The following DISC1 variants were observed in gnomAD, a reference collection of about 807,000 sequenced individuals.
The protein encoded by DISC1 is disrupted in schizophrenia 1 protein.
In DISC1, 57 loss-of-function variants were observed where a neutral mutation model predicts 84.5. The ratio of observed to expected loss-of-function variants is 0.67; its 90% CI spans 0.55 to 0.84. DISC1 has a LOEUF of 0.84. Ranked by LOEUF, DISC1 falls within the 40% of genes least tolerant of loss-of-function variation. The pLI is 0.00. For missense variants in DISC1, 1,000 were observed against 1,057.8 expected, an observed-to-expected ratio of 0.95 and a Z score of 0.76; for synonymous variants, 411 against 415.2, an observed-to-expected ratio of 0.99 and a Z score of 0.12.
chr1:231,773,628 C>T (rs1402128353), intron 6 of DISC1, among the ~76,000 whole-genome samples: 1 of 152,154 alleles, frequency 6.6e-6, no homozygotes, highest in East Asian at 1.9e-4. Context: ...TCATGATCTG[C>T]CCTCCTTGGC....
chr1:231,773,254 C>T (rs2076692432), intron 6 of DISC1, among the ~76,000 whole-genome samples: 1 of 152,146 alleles, frequency 6.6e-6, no homozygotes, highest in African/African-American at 2.4e-5. Context: ...AGAACTGAGC[C>T]CAGGACTTGG....
chr1:232,004,469 T>C lies in DISC1; in HGVS notation c.2043-4316T>C, dbSNP rs1667089932. 4.6e-5 allele frequency among the ~76,000 whole-genome samples: 7 copies of C among 152,182 alleles called. No homozygotes were observed. The South Asian group carries it at 1.5e-3, about 32-fold the overall frequency. ...ACATTTGAAATTCATTAAAAAAGGATTAATTTATATAAAGGATATAAAATA... is the reference window on the plus strand; with the variant it reads ...ACATTTGAAATTCATTAAAAAAGGACTAATTTATATAAAGGATATAAAATA... On this transcript the variant is annotated intron_variant, in intron 10 of 12. Coordinates refer to ENST00000439617, the MANE Select transcript of DISC1 (RefSeq NM_018662.3).
chr1:231,766,471 AAGC>A (rs1339483802), intron 4 of DISC1, among the ~76,000 whole-genome samples: 2 of 152,146 alleles, frequency 1.3e-5, no homozygotes, highest in African/African-American at 4.8e-5. Context: ...TCTGTGATTA[AAGC>A]TGATTGTGGG....
At chr1:231,807,030 G>A (rs999614399) in intron 8 of DISC1, among the ~76,000 whole-genome samples, 3 of 152,208 alleles carry the variant, frequency 2.0e-5, no homozygotes, top group Non-Finnish European at 4.4e-5. Context: ...TCTTGAGTCC[G>A]CGTCCACCGT....
chr1:231,982,838 G>A (rs11122384), intron 10 of DISC1, among the ~76,000 whole-genome samples: 8,190 of 152,184 alleles, frequency 0.054, 732 homozygotes, highest in African/African-American at 0.19. Flanking sequence ...GAGCAAGGAG[G>A]TGAGGCCAAA....
intron 1 of DISC1, among the ~76,000 whole-genome samples, chr1:231,669,942 G>C (rs144458132): frequency 4.6e-5 from 7 of 152,022 alleles, no homozygotes; most frequent in Admixed American, 4.6e-4. Context: ...TGCAGCACTA[G>C]TCACAACAGC....
chr1:231,926,282 A>G lies in DISC1; in HGVS notation c.1982-32546A>G, dbSNP rs567546181. 1.2e-4 allele frequency among the ~76,000 whole-genome samples: 18 copies of G among 152,348 alleles called. No homozygotes were observed. The East Asian group carries it at 3.5e-3, about 29-fold the overall frequency. Reference sequence around the variant, plus strand: ...AAGCAAATTAATACCTTTGGGATCAATAGAGTGTCTACAGTTCAAAACCCT... The same window carrying G: ...AAGCAAATTAATACCTTTGGGATCAGTAGAGTGTCTACAGTTCAAAACCCT... On this transcript the variant is annotated intron_variant, in intron 9 of 12. Coordinates refer to ENST00000439617, the MANE Select transcript of DISC1 (RefSeq NM_018662.3).
chr1:231,658,095 A>T (rs772486101), intron 1 of DISC1, among the ~76,000 whole-genome samples: 2 of 152,180 alleles, frequency 1.3e-5, no homozygotes, highest in Non-Finnish European at 2.9e-5. Context: ...CATGATATTG[A>T]TTCTTCCTGT....
chr1:231,676,608 A>G (rs1255609560), intron 1 of DISC1, among the ~76,000 whole-genome samples: 2 of 152,164 alleles, frequency 1.3e-5, no homozygotes, highest in Admixed American at 1.3e-4. Flanking sequence ...TTGTCTTTCT[A>G]GTGTGTTGAC....
chr1:232,011,022 A>C (rs1667975245), intron 11 of DISC1, among the ~76,000 whole-genome samples: 1 of 152,080 alleles, frequency 6.6e-6, no homozygotes, highest in East Asian at 1.9e-4. Flanking sequence ...AAGGTGCCAT[A>C]TTTTGGGGTA....
intron 10 of DISC1, among the ~76,000 whole-genome samples, chr1:231,990,120 T>C (rs1665004772): frequency 6.6e-6 from 1 of 152,076 alleles, no homozygotes; most frequent in African/African-American, 2.4e-5. Flanking sequence ...GTCTGTGTAA[T>C]ACTTAGGGCC....
At chr1:231,680,277 T>C (rs1053066304) in intron 1 of DISC1, among the ~76,000 whole-genome samples, 1 of 152,144 alleles carries the variant, frequency 6.6e-6, no homozygotes, top group Non-Finnish European at 1.5e-5. Context: ...ATATAGTGTC[T>C]CTATATGAAA....
chr1:231,835,677 G>A (rs2082579018), intron 9 of DISC1, among the ~76,000 whole-genome samples: 1 of 152,060 alleles, frequency 6.6e-6, no homozygotes, highest in Admixed American at 6.5e-5. Context: ...TTGTCTATTG[G>A]TTTTATTTTG....
intron 8 of DISC1, among the ~76,000 whole-genome samples, chr1:231,810,758 C>T (rs948314755): frequency 3.9e-5 from 6 of 152,084 alleles, no homozygotes; most frequent in African/African-American, 1.4e-4. Context: ...TCTGGTGGGT[C>T]CTAAGTTGGA....
chr1:231,782,018 G>C lies in DISC1; in HGVS notation c.1634+10948G>C, dbSNP rs1475549212. Among the ~76,000 whole-genome samples, 5 of 152,322 alleles carry C rather than the reference G, an allele frequency of 3.3e-5. No homozygotes were observed. In the East Asian group the frequency reaches 9.7e-4, roughly 29 times the overall value. ...TCTACCCTGTGCTGATAGCTAGGCT[G>C]CTAAGATGACCCAAAGCAAAGCCAG... On this transcript the variant is annotated intron_variant, in intron 6 of 12. Coordinates refer to ENST00000439617, the MANE Select transcript of DISC1 (RefSeq NM_018662.3).
At chr1:231,817,786 A>C (rs1391880306) in intron 8 of DISC1, among the ~76,000 whole-genome samples, 1 of 152,156 alleles carries the variant, frequency 6.6e-6, no homozygotes, top group African/African-American at 2.4e-5. Context: ...TGCTTTACAG[A>C]ATTTCTTGTT....
intron 10 of DISC1, among the ~76,000 whole-genome samples, chr1:231,989,855 T>C (rs777898485): frequency 1.3e-5 from 2 of 152,156 alleles, no homozygotes; most frequent in African/African-American, 2.4e-5. Flanking sequence ...AGGAAACACA[T>C]GCGCACCGAG....
chr1:231,659,850 T>G (rs1280220091), intron 1 of DISC1, among the ~76,000 whole-genome samples: 1 of 152,140 alleles, frequency 6.6e-6, no homozygotes, highest in Non-Finnish European at 1.5e-5. Flanking sequence ...ACTGTTATGA[T>G]TTCAGCTCTT....
At chr1:231,671,218 A>G (rs1046308397) in intron 1 of DISC1, among the ~76,000 whole-genome samples, 3 of 151,122 alleles carry the variant, frequency 2.0e-5, no homozygotes, top group Non-Finnish European at 4.4e-5. Flanking sequence ...TTGGTTTCCT[A>G]TTTATTTTTT....
Sources: gnomAD v4.1 joint callset for allele counts (sites outside exome capture counted in the v4.1 genomes callset) on GRCh38, gnomAD v4.1.1 for gene constraint, MANE v1.5 for transcripts, NCBI Gene and HGNC (gene_info 2026-07-23, HGNC 2026-07-21) for gene names.